Variants in SLC39A11 observed in about 807,000 individuals in gnomAD.
The protein encoded by SLC39A11 is zinc transporter ZIP11.
Under a neutral mutation model 36.1 loss-of-function variants are expected in SLC39A11, and 33 were observed. The ratio of observed to expected loss-of-function variants is 0.91; its 90% confidence interval spans 0.69 to 1.22. The LOEUF is 1.22. Among genes scored for constraint, SLC39A11 ranks in the 50% most tolerant of loss-of-function variants. The pLI is 0.00. For missense variants in SLC39A11, 432 were observed against 430.3 expected (o/e 1.00, Z -0.03); for synonymous variants, 166 against 170.3 (o/e 0.97, Z 0.20).
chr17:72,680,823 T>C (rs1035105051), intron 7 of SLC39A11, among the ~76,000 whole-genome samples: 4 of 152,258 alleles, frequency 2.6e-5, no homozygotes, highest in African/African-American at 9.6e-5. Flanking sequence ...CAATATTCCA[T>C]TGTATGGGTA....
intron 4 of SLC39A11, among the ~76,000 whole-genome samples, chr17:73,009,885 C>A (rs1568118273): frequency 1.3e-5 from 2 of 151,416 alleles, no homozygotes; most frequent in Non-Finnish European, 2.9e-5. Flanking sequence ...TATCCCTCCC[C>A]ACTCCCCCCA....
At chr17:72,700,217 A>G (rs1278676710) in intron 7 of SLC39A11, among the ~76,000 whole-genome samples, 2 of 152,130 alleles carry the variant, frequency 1.3e-5, no homozygotes, top group Non-Finnish European at 2.9e-5. Context: ...TGCTTGTTCT[A>G]CTGCATTCTA....
At chr17:73,049,515 A>T (rs2059425782) in intron 3 of SLC39A11, among the ~76,000 whole-genome samples, 1 of 152,244 alleles carries the variant, frequency 6.6e-6, no homozygotes, top group Non-Finnish European at 1.5e-5. Context: ...GAAATATGCC[A>T]AGGAGAGTCA....
intron 6 of SLC39A11, among the ~76,000 whole-genome samples, chr17:72,800,788 G>C (rs2077059888): frequency 6.6e-6 from 1 of 152,136 alleles, no homozygotes; most frequent in Non-Finnish European, 1.5e-5. Flanking sequence ...AATTGAGAGG[G>C]AGAAAACAGA....
intron 7 of SLC39A11, among the ~76,000 whole-genome samples, chr17:72,716,279 T>A (rs1157362772): frequency 3.3e-5 from 5 of 151,810 alleles, no homozygotes; most frequent in Non-Finnish European, 2.9e-5. Context: ...AGAAAGGAAA[T>A]TCGTCTTTTA....
intron 7 of SLC39A11, among the ~76,000 whole-genome samples, chr17:72,683,400 G>A (rs56169470): frequency 0.21 from 30,687 of 149,284 alleles, 3,238 homozygotes; most frequent in Middle Eastern, 0.25. Context: ...CAGTGGCACA[G>A]TCACGGCTCA....
chr17:72,648,892 A>G lies in SLC39A11; in HGVS notation c.840T>C (p.Ala280=). 6.2e-7 allele frequency: 1 copy of G among 1,614,172 alleles called. No individual in the cohort carries two copies. Among genetic ancestry groups the G allele is most frequent in the Non-Finnish European group, 8.5e-7 (1 of 1,180,028 alleles). ...GVFGAFAVVL[A]EPILPYALAF... is the part of the protein sequence containing the mutation. Reference sequence around the variant, plus strand: ...CCAGAGCGTAGGGCAGGATGGGCTCAGCCAGCACCACGGCAAAGGCACCAA... The same window carrying G: ...CCAGAGCGTAGGGCAGGATGGGCTCGGCCAGCACCACGGCAAAGGCACCAA... The change falls in exon 9 of 10, where the codon GCT becomes GCC. Residue 280 remains alanine (A), a synonymous_variant. Transcript: ENST00000255559.
At chr17:73,056,117 C>T (rs949071383) in intron 3 of SLC39A11, among the ~76,000 whole-genome samples, 4 of 152,132 alleles carry the variant, frequency 2.6e-5, no homozygotes, top group Non-Finnish European at 5.9e-5. Context: ...CCCATCTTCC[C>T]CACAGAGCCC....
At chr17:72,694,106 CCCAGCTTGCAG>C (rs1395743542) in intron 7 of SLC39A11, among the ~76,000 whole-genome samples, 1 of 152,318 alleles carries the variant, frequency 6.6e-6, no homozygotes, top group East Asian at 1.9e-4. Context: ...TGCTGGGCTT[CCCAGCTTGCAG>C]CATGGCTGGC....
chr17:72,836,983 C>T (rs944031646), intron 6 of SLC39A11, among the ~76,000 whole-genome samples: 1 of 152,142 alleles, frequency 6.6e-6, no homozygotes, highest in Non-Finnish European at 1.5e-5. Flanking sequence ...AGTCTTTACC[C>T]CAGGAAAATG....
chr17:72,809,346 G>A (rs1319966997), intron 6 of SLC39A11, among the ~76,000 whole-genome samples: 1 of 152,040 alleles, frequency 6.6e-6, no homozygotes, highest in Non-Finnish European at 1.5e-5. Flanking sequence ...AGCGGCAATT[G>A]TTCTGTTATT....
intron 4 of SLC39A11, among the ~76,000 whole-genome samples, chr17:72,979,397 C>T (rs1156919426): frequency 2.0e-5 from 3 of 152,136 alleles, no homozygotes; most frequent in Admixed American, 6.5e-5. Flanking sequence ...ATAATTCTCA[C>T]TCCAGTTATG....
At chr17:73,075,298 A>G (rs558326910) in intron 3 of SLC39A11, among the ~76,000 whole-genome samples, 3 of 152,140 alleles carry the variant, frequency 2.0e-5, no homozygotes, top group Non-Finnish European at 4.4e-5. Flanking sequence ...CAACGTCCTC[A>G]TTTCTCAGCA....
At position 72,944,240 on chromosome 17, in the gene SLC39A11, G is replaced by C. The variant is rs376319161; in HGVS notation, c.430+3512C>G. On this transcript the variant is annotated intron_variant, in intron 5 of 9. Transcript: ENST00000255559. Reference sequence around the variant, plus strand: ...AGCCAGTGCCACGGTATTGGCCTCTGTGTGCATCGGGCAGCAAGCCCACTG... The same window carrying C: ...AGCCAGTGCCACGGTATTGGCCTCTCTGTGCATCGGGCAGCAAGCCCACTG... Among the ~76,000 whole-genome samples the C allele has an allele frequency of 1.4e-4, 22 of 152,234 alleles. No individual in the cohort carries two copies. The South Asian group carries it at 1.9e-3, about 13-fold the overall frequency.
chr17:72,974,315 G>T (rs1288465496), intron 4 of SLC39A11, among the ~76,000 whole-genome samples: 1 of 151,676 alleles, frequency 6.6e-6, no homozygotes, highest in Admixed American at 6.6e-5. Flanking sequence ...GGCCAGGCTG[G>T]TCTCTAAGTC....
chr17:72,936,894 T>C (rs1400785415), intron 5 of SLC39A11, among the ~76,000 whole-genome samples: 1 of 152,162 alleles, frequency 6.6e-6, no homozygotes, highest in African/African-American at 2.4e-5. Flanking sequence ...ATGCTGCTGT[T>C]GATCTGGCTG....
intron 6 of SLC39A11, among the ~76,000 whole-genome samples, chr17:72,848,805 A>T (rs1231089907): frequency 6.6e-6 from 1 of 152,142 alleles, no homozygotes; most frequent in African/African-American, 2.4e-5. Context: ...AGATGCCCAC[A>T]TAAAGAAGGC....
chr17:73,082,570 T>A (rs2060580199), intron 3 of SLC39A11, among the ~76,000 whole-genome samples: 1 of 152,178 alleles, frequency 6.6e-6, no homozygotes, highest in Non-Finnish European at 1.5e-5. Context: ...AGAGATGTTG[T>A]GTTATAATAC....
At chr17:72,907,335 C>T (rs2082707827) in intron 5 of SLC39A11, among the ~76,000 whole-genome samples, 1 of 152,066 alleles carries the variant, frequency 6.6e-6, no homozygotes, top group East Asian at 1.9e-4. Context: ...ACTAAAAATA[C>T]AAAAATTAGC....
Sources: allele counts gnomAD v4.1 joint callset (sites outside exome capture counted in the v4.1 genomes callset), GRCh38; gene constraint gnomAD v4.1.1; transcripts MANE v1.5; gene names NCBI Gene and HGNC (gene_info 2026-07-23, HGNC 2026-07-21).